PARP8: variants seen among roughly 807,000 people sequenced by gnomAD.
PARP8 encodes the protein poly(ADP-ribose) polymerase family member 8.
In PARP8, 51 loss-of-function variants were observed where a neutral mutation model predicts 124.1. That is an observed-to-expected ratio of 0.41 (90% CI 0.33 to 0.52). The LOEUF (loss-of-function observed/expected upper bound fraction) is 0.52. Among genes scored for constraint, PARP8 ranks in the 20% least tolerant of loss-of-function variants. The pLI is 0.21. For missense variants in PARP8, 860 were observed against 1,018.9 expected, an observed-to-expected ratio of 0.84 and a Z score of 2.12; for synonymous variants, 391 against 361.5, an observed-to-expected ratio of 1.08 and a Z score of -0.93.
intron 2 of PARP8, 68 bp from the exon 3 acceptor site, chr5:50,750,083 C>G (rs1334081689): frequency 7.8e-7 from 1 of 1,290,234 alleles, no homozygotes; most frequent in East Asian, 2.3e-5. Flanking sequence ...TTTGGTTTGT[C>G]TTTTTTTTAT....
intron 10 of PARP8, 85 bp downstream of exon 10, chr5:50,788,674 C>CCTT (rs10623262): frequency 0.45 from 506,603 of 1,126,324 alleles, 123,946 homozygotes; most frequent in African/African-American, 0.79. Context: ...CAAACAAAAA[C>CCTT]CTATTCAGTA....
chr5:50,826,901 A>G, intron 19 of PARP8, 98 bp downstream of exon 19: 1 of 1,471,744 alleles, frequency 6.8e-7, no homozygotes, highest in Non-Finnish European at 9.1e-7. Flanking sequence ...CAGACTCTCC[A>G]AGAATTGAAG....
At chr5:50,775,701 A>G (rs1323733856) in intron 7 of PARP8, among the ~76,000 whole-genome samples, 1 of 152,054 alleles carries the variant, frequency 6.6e-6, no homozygotes, top group Non-Finnish European at 1.5e-5. Flanking sequence ...CAGATAGTTC[A>G]TTATTGGTGT....
intron 2 of PARP8, among the ~76,000 whole-genome samples, chr5:50,686,120 C>T (rs751955980): frequency 6.6e-6 from 1 of 152,196 alleles, no homozygotes; most frequent in Non-Finnish European, 1.5e-5. Flanking sequence ...TGGAAAGTCC[C>T]TTCCACCTGT....
chr5:50,710,996 T>C (rs1318497811), intron 2 of PARP8, among the ~76,000 whole-genome samples: 1 of 152,166 alleles, frequency 6.6e-6, no homozygotes, highest in Non-Finnish European at 1.5e-5. Flanking sequence ...TACAATCAAA[T>C]GTGTATATTT....
In PARP8 at chr5:50,805,684, T is replaced by C. The variant is rs545695610; in HGVS notation, c.1575+8451T>C. ...ATAATTTTATTAGACCTTTTTTGTA[T>C]TTCAAGATTTATACTTTTAAAAAAC... On this transcript the variant is annotated intron_variant, in intron 14 of 25. Coordinates refer to ENST00000281631, the MANE Select transcript of PARP8 (RefSeq NM_024615.4). 2.6e-5 allele frequency among the ~76,000 whole-genome samples: 4 copies of C among 152,238 alleles called. No individual in the cohort carries two copies. The East Asian group carries it at 7.7e-4, about 29-fold the overall frequency.
intron 3 of PARP8, among the ~76,000 whole-genome samples, chr5:50,754,174 CACACACAT>C (rs1386138632): frequency 0.024 from 792 of 33,288 alleles, 13 homozygotes; most frequent in East Asian, 0.069. Flanking sequence ...CACACACACA[CACACACAT>C]ATATATATAT....
At chr5:50,710,508 T>G (rs1042676234) in intron 2 of PARP8, among the ~76,000 whole-genome samples, 14 of 152,124 alleles carry the variant, frequency 9.2e-5, no homozygotes, top group Non-Finnish European at 1.3e-4. Context: ...AAAAAGTTTT[T>G]TTTCTAAATT....
intron 2 of PARP8, among the ~76,000 whole-genome samples, chr5:50,731,544 T>C (rs1462831268): frequency 6.6e-6 from 1 of 152,194 alleles, no homozygotes; most frequent in Non-Finnish European, 1.5e-5. Flanking sequence ...GCTAAACAGC[T>C]TTTTGTTATT....
intron 3 of PARP8, among the ~76,000 whole-genome samples, chr5:50,753,779 C>G (rs1482203973): frequency 6.6e-6 from 1 of 151,666 alleles, no homozygotes; most frequent in Non-Finnish European, 1.5e-5. Context: ...TATTATTTAT[C>G]TTAAGTTACA....
At chr5:50,754,180 C>CACAT (rs1392408459) in intron 3 of PARP8, among the ~76,000 whole-genome samples, 3 of 50,324 alleles carry the variant, frequency 6.0e-5, no homozygotes, top group African/African-American at 2.1e-4. Context: ...CACACACACA[C>CACAT]ATATATATAT....
Position 50,676,562 on chromosome 5 carries a change from C to T in PARP8, c.146+8437C>T, listed in dbSNP as rs2149439320. On this transcript the variant is annotated intron_variant, in intron 2 of 25. Transcript: ENST00000281631. ...GAAGTGTTAGAGATGGATAATGATT[C>T]TGTGTAGCAGAAGTACTCATTATGT... 2.0e-5 allele frequency among the ~76,000 whole-genome samples: 3 copies of T among 152,336 alleles called. No individual in the cohort carries two copies. The South Asian group carries it at 6.2e-4, about 32-fold the overall frequency.
intron 2 of PARP8, among the ~76,000 whole-genome samples, chr5:50,736,813 G>T (rs1318867329): frequency 2.0e-5 from 3 of 151,920 alleles, no homozygotes; most frequent in Admixed American, 6.6e-5. Flanking sequence ...ATTTCCAAAG[G>T]TAATTCTTCA....
chr5:50,729,508 T>C (rs529484675), intron 2 of PARP8, among the ~76,000 whole-genome samples: 29 of 152,278 alleles, frequency 1.9e-4, no homozygotes, highest in African/African-American at 7.0e-4. Flanking sequence ...TTGATAGACC[T>C]CTCTGAGCCT....
At chr5:50,675,200 C>G (rs1036688580) in intron 2 of PARP8, among the ~76,000 whole-genome samples, 1 of 152,164 alleles carries the variant, frequency 6.6e-6, no homozygotes, top group African/African-American at 2.4e-5. Context: ...TTGACTTCCC[C>G]TAGGATGGTG....
At position 50,761,913 on chromosome 5, in the gene PARP8, T is replaced by G; in HGVS notation, c.423+15T>G. 6.6e-7 allele frequency: 1 copy of G among 1,524,104 alleles called. No individual in the cohort carries two copies. The highest frequency in any genetic ancestry group is 9.1e-7 in the Non-Finnish European group (1 of 1,104,330). The allele number at this position is 1,524,104 out of a possible 1,614,324, so 94.4% of individuals were successfully genotyped here. A position where few individuals can be genotyped will look rare whatever the true frequency, so the allele number is the denominator to read the frequency against. Reference sequence around the variant, plus strand: ...ACGGAGGGCAGGTAAGGAAACCTGGTCTTCCAAATACCTAGTCTTAAAGTT... The same window carrying G: ...ACGGAGGGCAGGTAAGGAAACCTGGGCTTCCAAATACCTAGTCTTAAAGTT... On this transcript the variant is annotated intron_variant, in intron 6 of 25. Transcript: ENST00000281631.
chr5:50,745,474 A>C (rs1182424538), intron 2 of PARP8, among the ~76,000 whole-genome samples: 1 of 152,158 alleles, frequency 6.6e-6, no homozygotes, highest in Non-Finnish European at 1.5e-5. Flanking sequence ...GTAGGTATGG[A>C]TTCTTCCATT....
At chr5:50,777,733 T>C (rs1424189656) in intron 7 of PARP8, among the ~76,000 whole-genome samples, 3 of 152,194 alleles carry the variant, frequency 2.0e-5, no homozygotes, top group African/African-American at 7.2e-5. Flanking sequence ...AGCAGCTCCT[T>C]ATCCTCAGAG....
chr5:50,785,509 T>C (rs1267414550), intron 9 of PARP8, among the ~76,000 whole-genome samples: 3 of 152,242 alleles, frequency 2.0e-5, no homozygotes, highest in African/African-American at 4.8e-5. Context: ...GAAGAGACTG[T>C]ATCTTCTTAA....
Sources: allele counts gnomAD v4.1 joint callset (sites outside exome capture counted in the v4.1 genomes callset), GRCh38; gene constraint gnomAD v4.1.1; transcripts MANE v1.5; gene names NCBI Gene and HGNC (gene_info 2026-07-23, HGNC 2026-07-21).